DSCAM: variants seen among roughly 807,000 people sequenced by gnomAD.
The protein encoded by DSCAM is cell adhesion molecule DSCAM.
DSCAM carries 47 observed loss-of-function variants against 217.7 expected under a neutral mutation model. That is an observed-to-expected ratio of 0.22 (90% CI 0.17 to 0.28). The LOEUF is 0.28. DSCAM is among the 10% of genes least tolerant of loss of function. The probability of loss-of-function intolerance (pLI) is 1.00; values close to 1 mark genes in which losing one functional copy is unlikely to be tolerated. For synonymous variants in DSCAM, 1,056 were observed against 1,015.3 expected (o/e 1.04, Z -0.76); for missense variants, 2,080 against 2,618.3 (o/e 0.79, Z 4.49).
intron 1 of DSCAM, among the ~76,000 whole-genome samples, chr21:40,712,237 T>C (rs904507068): frequency 1.4e-5 from 2 of 142,380 alleles, no homozygotes; most frequent in African/African-American, 2.5e-5. Flanking sequence ...AGTGTGTAGT[T>C]TGTTTTATGA....
intron 3 of DSCAM, among the ~76,000 whole-genome samples, chr21:40,684,767 T>C (rs1447550678): frequency 6.6e-6 from 1 of 152,270 alleles, no homozygotes; most frequent in Non-Finnish European, 1.5e-5. Context: ...AGCATTATGG[T>C]TATCACTACA....
At chr21:40,548,729 C>T (rs565715765) in intron 3 of DSCAM, among the ~76,000 whole-genome samples, 4 of 152,170 alleles carry the variant, frequency 2.6e-5, no homozygotes, top group African/African-American at 4.8e-5. Context: ...ACATCCTCAA[C>T]AGTGATCATC....
At chr21:40,785,024 A>G (rs904469288) in intron 1 of DSCAM, among the ~76,000 whole-genome samples, 2 of 152,246 alleles carry the variant, frequency 1.3e-5, no homozygotes, top group African/African-American at 4.8e-5. Flanking sequence ...TAAAGTCTAA[A>G]TGCACAGAAA....
intron 3 of DSCAM, among the ~76,000 whole-genome samples, chr21:40,557,250 T>C (rs139389108): frequency 6.6e-6 from 1 of 152,146 alleles, no homozygotes; most frequent in Non-Finnish European, 1.5e-5. Context: ...ACTTCATGAA[T>C]AGATTAATGC....
At chr21:40,700,735 CTTTTTTT>C (rs775869471) in intron 2 of DSCAM, among the ~76,000 whole-genome samples, 1 of 137,966 alleles carries the variant, frequency 7.2e-6, no homozygotes, top group Non-Finnish European at 1.6e-5. Context: ...TTCTTTCTTT[CTTTTTTT>C]TTTTTTTTGA....
At chr21:40,671,384 T>C (rs1233025567) in intron 3 of DSCAM, among the ~76,000 whole-genome samples, 3 of 152,214 alleles carry the variant, frequency 2.0e-5, no homozygotes, top group Non-Finnish European at 2.9e-5. Flanking sequence ...TACACTAACA[T>C]GAACAAAGAG....
intron 1 of DSCAM, among the ~76,000 whole-genome samples, chr21:40,767,820 C>T (rs754775318): frequency 4.6e-5 from 7 of 152,052 alleles, no homozygotes; most frequent in Admixed American, 1.3e-4. Context: ...AGGTAGAACC[C>T]GCAGTAGTTT....
chr21:40,576,796 A>G (rs2076854251), intron 3 of DSCAM, among the ~76,000 whole-genome samples: 1 of 152,082 alleles, frequency 6.6e-6, no homozygotes, highest in Admixed American at 6.5e-5. Flanking sequence ...AGGTTCAAAT[A>G]AATTATTTCA....
At chr21:40,202,024 C>T (rs953874500) in intron 11 of DSCAM, among the ~76,000 whole-genome samples, 1 of 152,120 alleles carries the variant, frequency 6.6e-6, no homozygotes, top group Admixed American at 6.5e-5. Flanking sequence ...GTAGCTTCTA[C>T]CTTCTACTTG....
chr21:40,107,895 C>A (rs1294188671), intron 20 of DSCAM, among the ~76,000 whole-genome samples: 2 of 152,012 alleles, frequency 1.3e-5, no homozygotes, highest in African/African-American at 4.8e-5. Context: ...TTCCTCCATC[C>A]CTTTATTTTG....
At position 40,012,015 on chromosome 21, in the gene DSCAM, T is replaced by C. The variant is rs2088064624; in HGVS notation, c.*1019A>G. On this transcript the variant is annotated 3_prime_UTR_variant, in exon 33 of 33. Coordinates refer to ENST00000400454, the MANE Select transcript of DSCAM (RefSeq NM_001389.5). Reference sequence around the variant, plus strand: ...ACTATTCAGCTCTACCATTGTGCCATGAAAGCAGCCATAGACAATAGCAAA... The same window carrying C: ...ACTATTCAGCTCTACCATTGTGCCACGAAAGCAGCCATAGACAATAGCAAA... 2 of 152,206 alleles carry C rather than the reference T, an allele frequency of 1.3e-5. No homozygotes were observed. The highest frequency in any genetic ancestry group is 2.9e-5 in the Non-Finnish European group (2 of 68,056). The allele number at this position is 152,206 out of a possible 1,614,324, so 9.4% of individuals were successfully genotyped here.
intron 3 of DSCAM, among the ~76,000 whole-genome samples, chr21:40,442,418 AG>A (rs1380890696): frequency 6.6e-6 from 1 of 151,422 alleles, no homozygotes; most frequent in Non-Finnish European, 1.5e-5. Context: ...TATATTTAAA[AG>A]GTATCTGCTA....
intron 3 of DSCAM, chr21:40,621,348 C>T (rs2089513930): frequency 6.6e-6 from 1 of 152,166 alleles, no homozygotes; most frequent in African/African-American, 2.4e-5. Flanking sequence ...AACTCCTCTC[C>T]ACATTGTGTC....
intron 3 of DSCAM, among the ~76,000 whole-genome samples, chr21:40,453,971 C>T (rs2075743133): frequency 6.6e-6 from 1 of 152,158 alleles, no homozygotes; most frequent in Admixed American, 6.5e-5. Flanking sequence ...TACTCTCCAA[C>T]AGGGCCCTAA....
chr21:40,841,198 G>T (rs924349223), intron 1 of DSCAM, among the ~76,000 whole-genome samples: 6 of 152,134 alleles, frequency 3.9e-5, no homozygotes, highest in Non-Finnish European at 5.9e-5. Flanking sequence ...GAACGTCCTG[G>T]TCAGAAGCTG....
intron 9 of DSCAM, among the ~76,000 whole-genome samples, chr21:40,296,943 T>C (rs1025032818): frequency 2.0e-5 from 3 of 152,088 alleles, no homozygotes; most frequent in Non-Finnish European, 4.4e-5. Flanking sequence ...GTATTCGATG[T>C]TGATTTTTCC....
At chr21:40,137,620 CACACACACACACACACACACACACAT>C (rs1601369935) in intron 18 of DSCAM, among the ~76,000 whole-genome samples, 6 of 126,604 alleles carry the variant, frequency 4.7e-5, no homozygotes, top group Non-Finnish European at 1.7e-5. Flanking sequence ...CACACACACA[CACACACACACACACACACACACACAT>C]TAACTGAAGT....
At chr21:40,653,947 T>G (rs1188427587) in intron 3 of DSCAM, among the ~76,000 whole-genome samples, 1 of 151,660 alleles carries the variant, frequency 6.6e-6, no homozygotes, top group East Asian at 2.0e-4. Context: ...CTATAAAAAC[T>G]AGCCAGGCAT....
intron 1 of DSCAM, among the ~76,000 whole-genome samples, chr21:40,820,121 G>C (rs912151496): frequency 2.6e-5 from 4 of 152,138 alleles, no homozygotes; most frequent in Admixed American, 2.6e-4. Flanking sequence ...TATATACCCA[G>C]AGGGTTATAA....
Sources: allele counts gnomAD v4.1 joint callset (sites outside exome capture counted in the v4.1 genomes callset), GRCh38; gene constraint gnomAD v4.1.1; transcripts MANE v1.5; gene names NCBI Gene and HGNC (gene_info 2026-07-23, HGNC 2026-07-21).